The following GREB1L variants were observed in gnomAD, a reference collection of about 807,000 sequenced individuals.
The protein encoded by GREB1L is GREB1 like retinoic acid receptor coactivator.
GREB1L carries 17 observed loss-of-function variants against 200.8 expected under a neutral mutation model. The ratio of observed to expected loss-of-function variants is 0.08; its 90% CI spans 0.06 to 0.13. The LOEUF (loss-of-function observed/expected upper bound fraction) is 0.13, where lower values mean the gene tolerates loss of function less well. Ranked by LOEUF, GREB1L falls within the 10% of genes least tolerant of loss-of-function variation. The probability of loss-of-function intolerance (pLI) is 1.00; values close to 1 mark genes in which losing one functional copy is unlikely to be tolerated. For synonymous variants in GREB1L, 789 were observed against 893.0 expected, an observed-to-expected ratio of 0.88 and a Z score of 2.08; for missense variants, 1,657 against 2,367.7, an observed-to-expected ratio of 0.70 and a Z score of 6.23.
At chr18:21,428,931 T>C (rs1367758806) in intron 7 of GREB1L, among the ~76,000 whole-genome samples, 2 of 152,018 alleles carry the variant, frequency 1.3e-5, no homozygotes, top group African/African-American at 4.8e-5. Flanking sequence ...TTGGCCAGGC[T>C]GGTCTCGAAC....
chr18:21,276,671 C>G (rs2038169547), intron 1 of GREB1L, among the ~76,000 whole-genome samples: 1 of 152,000 alleles, frequency 6.6e-6, no homozygotes, highest in African/African-American at 2.4e-5. Flanking sequence ...GTGACACCTT[C>G]CTTCTGCTTT....
intron 1 of GREB1L, among the ~76,000 whole-genome samples, chr18:21,331,500 A>G (rs2039106544): frequency 6.6e-6 from 1 of 152,208 alleles, no homozygotes; most frequent in Non-Finnish European, 1.5e-5. Flanking sequence ...TCAAAGAAAG[A>G]GAGTTAAAGA....
chr18:21,488,962 T>C (rs1448696585), intron 18 of GREB1L, among the ~76,000 whole-genome samples: 1 of 152,180 alleles, frequency 6.6e-6, no homozygotes, highest in Non-Finnish European at 1.5e-5. Context: ...CAGCCTACTT[T>C]CTTTTTTAAA....
chr18:21,389,467 AT>A (rs1296516002), intron 4 of GREB1L, among the ~76,000 whole-genome samples: 1 of 149,078 alleles, frequency 6.7e-6, no homozygotes, highest in African/African-American at 2.5e-5. Flanking sequence ...TTTAATAATT[AT>A]TGCTTTTCTC....
At chr18:21,463,624 T>C (rs1197302360) in intron 15 of GREB1L, among the ~76,000 whole-genome samples, 1 of 151,426 alleles carries the variant, frequency 6.6e-6, no homozygotes, top group Non-Finnish European at 1.5e-5. Flanking sequence ...GTTGCCCAGG[T>C]TGGAGTGCAG....
intron 16 of GREB1L, among the ~76,000 whole-genome samples, chr18:21,474,719 A>G (rs1418440858): frequency 2.0e-5 from 3 of 152,180 alleles, no homozygotes; most frequent in Admixed American, 6.5e-5. Context: ...CTCCTGGCCC[A>G]CAAAAATACT....
At chr18:21,449,988 T>A (rs2145409591) in intron 12 of GREB1L, among the ~76,000 whole-genome samples, 152 bp downstream of exon 12, 1 of 152,364 alleles carries the variant, frequency 6.6e-6, no homozygotes, top group East Asian at 1.9e-4. Flanking sequence ...TAACTTTCCC[T>A]TTCCTTCTCA....
At chr18:21,490,548 A>G (rs2036292593) in intron 19 of GREB1L, among the ~76,000 whole-genome samples, 197 bp downstream of exon 19, 2 of 152,158 alleles carry the variant, frequency 1.3e-5, no homozygotes, top group East Asian at 1.9e-4. Flanking sequence ...CCTTTATAGC[A>G]TGCAGTTAGT....
chr18:21,389,007 A>AG lies in GREB1L; in HGVS notation c.355+4605dup, dbSNP rs1307861004. ...GGTCACCTGGCTGAGGGGCTGAAGG[A>AG]GTGTTATCCCCACTCTCCTTCCACT... On this transcript the variant is annotated intron_variant, in intron 4 of 32. Coordinates refer to ENST00000424526, the MANE Select transcript of GREB1L (RefSeq NM_001142966.3). Among the ~76,000 whole-genome samples the AG allele has an allele frequency of 3.3e-5, 5 of 152,160 alleles. No homozygotes were observed. In the South Asian group the frequency reaches 8.3e-4, roughly 25 times the overall value.
intron 1 of GREB1L, among the ~76,000 whole-genome samples, chr18:21,349,950 G>C (rs1368635638): frequency 6.6e-6 from 1 of 152,172 alleles, no homozygotes; most frequent in Non-Finnish European, 1.5e-5. Flanking sequence ...GTGCCAAAAA[G>C]GTTGGGGACT....
At chr18:21,374,404 T>C (rs1472059319) in intron 2 of GREB1L, among the ~76,000 whole-genome samples, 1 of 152,168 alleles carries the variant, frequency 6.6e-6, no homozygotes, top group African/African-American at 2.4e-5. Flanking sequence ...CTTGAAAAAA[T>C]CTTGATTCCT....
Position 21,500,138 on chromosome 18 carries a change from C to T in GREB1L, c.3801C>T (p.Ser1267=), listed in dbSNP as rs561724568. 5.0e-5 allele frequency: 78 copies of T among 1,551,586 alleles called. No homozygotes were observed. The South Asian group carries it at 6.9e-4, about 14-fold the overall frequency. Residue 1267 remains serine (S), a synonymous_variant, in exon 22 of 33, where the codon TCC becomes TCT. Transcript: ENST00000424526. ...LPHADVAWVS[S]LRPLLNKDMS... is the part of the protein sequence containing the mutation. ...ACGCCGACGTGGCCTGGGTGAGCTC[C>T]CTGCGGCCACTCCTGAACAAGGACA...
chr18:21,419,000 T>G (rs1172758704), intron 7 of GREB1L, among the ~76,000 whole-genome samples: 1 of 152,222 alleles, frequency 6.6e-6, no homozygotes, highest in Non-Finnish European at 1.5e-5. Context: ...CATTTCTATA[T>G]TTAGATATGT....
chr18:21,352,040 G>A (rs1218105188), intron 1 of GREB1L, among the ~76,000 whole-genome samples: 1 of 151,766 alleles, frequency 6.6e-6, no homozygotes, highest in Non-Finnish European at 1.5e-5. Context: ...TAGAGACAGG[G>A]TTTCACCATG....
chr18:21,330,027 A>G (rs1421025059), intron 1 of GREB1L, among the ~76,000 whole-genome samples: 1 of 149,658 alleles, frequency 6.7e-6, no homozygotes, highest in Non-Finnish European at 1.5e-5. Context: ...CAAAGGGGTC[A>G]TCAATCCTGC....
chr18:21,441,364 C>T (rs761234906), intron 9 of GREB1L, 36 bp from the exon 10 acceptor site: 19 of 1,496,506 alleles, frequency 1.3e-5, no homozygotes, highest in Admixed American at 2.6e-5. Flanking sequence ...ATTTAGTTTT[C>T]ACGCCATCTT....
At chr18:21,443,996 A>G (rs2034065299) in intron 10 of GREB1L, among the ~76,000 whole-genome samples, 1 of 152,252 alleles carries the variant, frequency 6.6e-6, no homozygotes, top group Non-Finnish European at 1.5e-5. Flanking sequence ...CCACAGACAT[A>G]GAGGGCCAAC....
chr18:21,323,733 A>G, intron 1 of GREB1L, among the ~76,000 whole-genome samples: 1 of 152,212 alleles, frequency 6.6e-6, no homozygotes, highest in Non-Finnish European at 1.5e-5. Context: ...TATCATAGCA[A>G]GACCCCATCT....
intron 5 of GREB1L, among the ~76,000 whole-genome samples, chr18:21,399,465 A>ATGGG (rs1483136653): frequency 6.6e-6 from 1 of 151,062 alleles, no homozygotes; most frequent in Admixed American, 6.6e-5. Flanking sequence ...GGATGGATGG[A>ATGGG]TGGATGGATG....
Sources: allele counts gnomAD v4.1 joint callset (sites outside exome capture counted in the v4.1 genomes callset), GRCh38; gene constraint gnomAD v4.1.1; transcripts MANE v1.5; gene names NCBI Gene and HGNC (gene_info 2026-07-23, HGNC 2026-07-21).